Variants in ADAM33 observed in about 807,000 individuals in gnomAD.
ADAM33 encodes ADAM metallopeptidase domain 33.
In ADAM33, 103 loss-of-function variants were observed where a neutral mutation model predicts 106.2. The observed-to-expected ratio is 0.97, with a 90% CI of 0.83 to 1.14. ADAM33 has a LOEUF of 1.14. Among genes scored for constraint, ADAM33 ranks in the 50% most tolerant of loss-of-function variants. The probability of loss-of-function intolerance (pLI) is 0.00; values close to 1 mark genes in which losing one functional copy is unlikely to be tolerated. For synonymous variants in ADAM33, 483 were observed against 453.0 expected, an observed-to-expected ratio of 1.07 and a Z score of -0.84; for missense variants, 1,120 against 1,096.6, an observed-to-expected ratio of 1.02 and a Z score of -0.30.
rs762795034 is a variant in ADAM33, at chr20:3,673,473, G to T, written c.1014C>A (p.Gly338=). The change falls in exon 11 of 22, where the codon GGC becomes GGA. Residue 338 remains glycine (G), a synonymous_variant. Transcript: ENST00000356518. ...VSTDHSELPI[G]AAATMAHEIG... The stretch of plus-strand genomic sequence containing the variant: ...TCTCATGGGCCATGGTGGCTGCGGC[G>T]CCGATGGGGAGCTCCGAGTGGTCCT... 1 of 1,538,724 alleles carries T rather than the reference G, an allele frequency of 6.5e-7. No homozygotes were observed.
rs1479225342 is a variant in ADAM33 at position 3,674,570 on chromosome 20, G to T, written c.534C>A (p.Thr178=). 4 of 1,613,640 alleles carry T rather than the reference G, an allele frequency of 2.5e-6. No individual in the cohort carries two copies. Among genetic ancestry groups the T allele is most frequent in the Non-Finnish European group, 3.4e-6 (4 of 1,179,912 alleles). The change falls in exon 6 of 22, where the codon ACC becomes ACA. Residue 178 remains threonine, a synonymous_variant. Transcript: ENST00000356518. Reference sequence around the variant, plus strand: ...TGTTCCCAGGATCCCTGTGGCCACAGGTTCCTTTCCAGGTGAGCAGCTGCT... The same window carrying T: ...TGTTCCCAGGATCCCTGTGGCCACATGTTCCTTTCCAGGTGAGCAGCTGCT... ...RMEQLLTWKG[T]CGHRDPGNKA... is the part of the protein sequence containing the mutation.
chr20:3,677,116 C>T lies in ADAM33; in HGVS notation c.205G>A (p.Ala69Thr), dbSNP rs1251054269. The T allele has an allele frequency of 6.2e-7, 1 of 1,611,270 alleles. No homozygotes were observed. Among genetic ancestry groups the T allele is most frequent in the East Asian group, 2.2e-5 (1 of 44,646 alleles). The change falls in exon 3 of 22, where the codon GCC becomes ACC. Residue 69 changes from alanine (A) to threonine (T), a missense_variant. By Grantham distance (58) the Ala-to-Thr change is moderately conservative. Coordinates refer to ENST00000356518, the MANE Select transcript of ADAM33 (RefSeq NM_025220.5). ...AGCTCCTGGCCTTCAGCCTCCAGGG[C>T]CACCAGCCCCATGTCTGGCTTCGAG... ...PVSKPDMGLV[A>T]LEAEGQELLL...
chr20:3,678,958 C>T (rs1012064428), intron 2 of ADAM33, among the ~76,000 whole-genome samples: 3 of 151,980 alleles, frequency 2.0e-5, no homozygotes, highest in African/African-American at 7.3e-5. Flanking sequence ...ATGGGGTGGT[C>T]TTACATCTGG....
rs938286781 is a variant in ADAM33, at chr20:3,677,302, A to T, written c.178-159T>A. On this transcript the variant is annotated intron_variant, in intron 2 of 21. Coordinates refer to ENST00000356518, the MANE Select transcript of ADAM33 (RefSeq NM_025220.5). The stretch of plus-strand genomic sequence containing the variant: ...CCACATACTATGGAGGGCGTGGAGG[A>T]GGTGAGAACATACAAAGATGTTCCC... Among the ~76,000 whole-genome samples, 3 of 152,166 alleles carry T rather than the reference A, an allele frequency of 2.0e-5. No homozygotes were observed. The East Asian group carries it at 5.8e-4, about 29-fold the overall frequency.
rs1345508598 is a variant in ADAM33 at position 3,681,920 on chromosome 20, C to T, written c.85G>A (p.Gly29Arg). ...LLLLWPVPGA[G>R]VLQGHIPGQP... ...CCCGCGTCCTCACCTTGAAGCACCC[C>T]GGCGCCTGGCACTGGCCAGAGCAGC... The change falls in exon 1 of 22, where the codon GGG becomes AGG. Residue 29 changes from glycine to arginine, a missense_variant. Physicochemically the swap from Gly to Arg is moderately radical, Grantham distance 125. Coordinates refer to ENST00000356518, the MANE Select transcript of ADAM33 (RefSeq NM_025220.5). The T allele has an allele frequency of 6.3e-7, 1 of 1,589,626 alleles. No homozygotes were observed. Among genetic ancestry groups the T allele is most frequent in the South Asian group, 1.1e-5 (1 of 87,960 alleles).
chr20:3,680,253 C>T (rs2146478334), intron 1 of ADAM33, among the ~76,000 whole-genome samples: 1 of 104,410 alleles, frequency 9.6e-6, no homozygotes, highest in East Asian at 2.4e-4. Context: ...GGAATGCTCC[C>T]AGCCCTCCAC....
In ADAM33 at chr20:3,669,226, C is replaced by T. The variant is rs114250984; in HGVS notation, c.2404+73G>A. ...GCCCAGAAACCTGATTAGGGGGCAGCAAACTGAGGGGTGGGAGAGGTGGGA... is the reference window on the plus strand; with the variant it reads ...GCCCAGAAACCTGATTAGGGGGCAGTAAACTGAGGGGTGGGAGAGGTGGGA... On this transcript the variant is annotated intron_variant, in intron 21 of 21. Coordinates refer to ENST00000356518, the MANE Select transcript of ADAM33 (RefSeq NM_025220.5). 5.0e-4 allele frequency: 541 copies of T among 1,076,080 alleles called. No homozygotes were observed. In the African/African-American group the frequency reaches 8.6e-3, roughly 17 times the overall value. 66.7% of individuals were successfully genotyped at this position (1,076,080 alleles called of 1,614,324 possible).
At position 3,672,319 on chromosome 20, in the gene ADAM33, G is replaced by T. The variant is rs546525095; in HGVS notation, c.1412C>A (p.Ala471Asp). ...DCCVRCLLKP[A>D]GALCRQAMGD... is the part of the protein sequence containing the mutation. ...CATGGCCTGGCGGCACAGCGCTCCAGCCGGCTTCAGCTGCGCAGGTGACGG... is the reference window on the plus strand; with the variant it reads ...CATGGCCTGGCGGCACAGCGCTCCATCCGGCTTCAGCTGCGCAGGTGACGG... Residue 471 changes from alanine to aspartate, a missense_variant, in exon 14 of 22, where the codon GCT becomes GAT. By Grantham distance (126) the Ala-to-Asp change is moderately radical. Coordinates refer to ENST00000356518, the MANE Select transcript of ADAM33 (RefSeq NM_025220.5). 9.9e-6 allele frequency: 16 copies of T among 1,611,816 alleles called. No homozygotes were observed. The highest frequency in any genetic ancestry group is 1.4e-5 in the Non-Finnish European group (16 of 1,179,666).
intron 13 of ADAM33, 78 bp downstream of exon 13, chr20:3,672,459 G>T: frequency 6.3e-7 from 1 of 1,585,744 alleles, no homozygotes; most frequent in South Asian, 1.1e-5. Flanking sequence ...GGGAACCTGA[G>T]GGCACCAATT....
intron 1 of ADAM33, among the ~76,000 whole-genome samples, chr20:3,680,248 G>A (rs1419044051): frequency 9.6e-6 from 1 of 104,670 alleles, no homozygotes; most frequent in Non-Finnish European, 2.0e-5. Context: ...CCCCTGGAAT[G>A]CTCCCAGCCC....
chr20:3,676,573 G>A (rs924945199), intron 3 of ADAM33, among the ~76,000 whole-genome samples: 1 of 151,906 alleles, frequency 6.6e-6, no homozygotes, highest in African/African-American at 2.4e-5. Context: ...TAAGTAGCTG[G>A]GATTACAGGC....
Position 3,671,002 on chromosome 20 carries a change from C to G in ADAM33, c.2240+4G>C. The G allele has an allele frequency of 6.5e-7, 1 of 1,545,488 alleles. No individual in the cohort carries two copies. Among genetic ancestry groups the G allele is most frequent in the Non-Finnish European group, 8.7e-7 (1 of 1,145,410 alleles). On this transcript the variant is annotated splice_donor_region_variant and intron_variant, in intron 19 of 21. Transcript: ENST00000356518. ...GGCTCAGGAAGCAGGCGCTCGGAGC[C>G]TACCCACTGCACGCAGGGTCCCTTC... is the stretch of plus-strand genomic sequence containing the variant.
chr20:3,669,148 C>T (rs1443630178), intron 21 of ADAM33, 148 bp from the exon 22 acceptor site: 5 of 1,213,704 alleles, frequency 4.1e-6, no homozygotes, highest in Non-Finnish European at 6.0e-6. Context: ...CTTCCAGCAT[C>T]CTGGTCTGCA....
intron 1 of ADAM33, 116 bp from the exon 2 acceptor site, chr20:3,679,687 G>A (rs748718194): frequency 1.0e-5 from 9 of 879,894 alleles, no homozygotes; most frequent in South Asian, 8.0e-5. Context: ...GCCTTTTGGG[G>A]CAGACTTCAC....
intron 21 of ADAM33, 107 bp downstream of exon 21, chr20:3,669,192 A>G: frequency 1.6e-6 from 2 of 1,226,720 alleles, no homozygotes; most frequent in Non-Finnish European, 2.3e-6. Context: ...CATTTCCATA[A>G]TAACCTGAGC....
In ADAM33 at chr20:3,673,830, C is replaced by T; in HGVS notation, c.820G>A (p.Asp274Asn). 3 of 1,559,802 alleles carry T rather than the reference C, an allele frequency of 1.9e-6. No homozygotes were observed. The highest frequency in any genetic ancestry group is 2.6e-6 in the Non-Finnish European group (3 of 1,160,642). ...TERDRSRVTQ[D>N]ANATLWAFLQ... is the part of the protein sequence containing the mutation. ...AAGGCCCAGAGCGTGGCGTTGGCGTCCTGCGTGACGCGGCTGCGGTCCCGC... is the reference window on the plus strand; with the variant it reads ...AAGGCCCAGAGCGTGGCGTTGGCGTTCTGCGTGACGCGGCTGCGGTCCCGC... The change falls in exon 9 of 22, where the codon GAC becomes AAC. Residue 274 changes from aspartate (D) to asparagine (N), a missense_variant. Asp to Asn is a conservative substitution (Grantham distance 23). Coordinates refer to ENST00000356518, the MANE Select transcript of ADAM33 (RefSeq NM_025220.5).
Position 3,671,021 on chromosome 20 carries a change from T to C in ADAM33, c.2225A>G (p.Asp742Gly), listed in dbSNP as rs1257818687. ...CGGAGCCTACCCACTGCACGCAGGG[T>C]CCCTTCTGCAGCCCCAGCTGCATCG... ...LQRCSWGCRR[D>G]PACSGPKDGP... The change falls in exon 19 of 22, where the codon GAC (aspartate) becomes GGC (glycine). Residue 742 changes from aspartate to glycine, a missense_variant. Transcript: ENST00000356518. 1.3e-6 allele frequency: 2 copies of C among 1,551,534 alleles called. No homozygotes were observed. Among genetic ancestry groups the C allele is most frequent in the South Asian group, 2.4e-5 (2 of 84,312 alleles).
In ADAM33 at chr20:3,671,886, C is replaced by T; in HGVS notation, c.1697G>A (p.Cys566Tyr). The T allele has an allele frequency of 6.4e-7, 1 of 1,552,944 alleles. No homozygotes were observed. The highest frequency in any genetic ancestry group is 8.7e-7 in the Non-Finnish European group (1 of 1,147,610). The part of the protein sequence containing the change: ...GQDSEGHFLP[C>Y]AGRDALCGKL... ...CAGCTCCACTCCCTACCTCCCTGCA[C>T]AGGGCAGGAAGTGGCCCTCGCTGTC... The change falls in exon 15 of 22, where the codon TGT (cysteine) becomes TAT (tyrosine). Residue 566 changes from cysteine to tyrosine, a missense_variant. Cys to Tyr is a radical substitution (Grantham distance 194). Transcript: ENST00000356518.
chr20:3,673,461 G>C lies in ADAM33; in HGVS notation c.1026C>G (p.Thr342=), dbSNP rs769307364. 5.1e-6 allele frequency: 8 copies of C among 1,554,342 alleles called. No homozygotes were observed. The African/African-American group carries it at 8.2e-5, about 16-fold the overall frequency. The change falls in exon 11 of 22, where the codon ACC becomes ACG. Residue 342 remains threonine (T), a synonymous_variant. Coordinates refer to ENST00000356518, the MANE Select transcript of ADAM33 (RefSeq NM_025220.5). ...HSELPIGAAA[T]MAHEIGHSLG... is the part of the protein sequence containing the mutation. ...GGCTGTGGCCGATCTCATGGGCCATGGTGGCTGCGGCGCCGATGGGGAGCT... is the reference window on the plus strand; with the variant it reads ...GGCTGTGGCCGATCTCATGGGCCATCGTGGCTGCGGCGCCGATGGGGAGCT...
Sources: allele counts gnomAD v4.1 joint callset (sites outside exome capture counted in the v4.1 genomes callset), GRCh38; gene constraint gnomAD v4.1.1; transcripts MANE v1.5; gene names NCBI Gene and HGNC (gene_info 2026-07-23, HGNC 2026-07-21).